The following SGCD variants were observed in gnomAD, a reference collection of about 807,000 sequenced individuals.
SGCD encodes delta-sarcoglycan.
In SGCD, 18 loss-of-function variants were observed where a neutral mutation model predicts 36.6. The observed-to-expected ratio is 0.49, with a 90% CI of 0.34 to 0.73. The LOEUF is 0.73. Among genes scored for constraint, SGCD ranks in the 30% least tolerant of loss-of-function variants. The pLI, the probability that SGCD is intolerant of heterozygous loss-of-function variation, is 0.01. For missense variants in SGCD, 387 were observed against 346.7 expected, an observed-to-expected ratio of 1.12 and a Z score of -0.92; for synonymous variants, 133 against 130.6, an observed-to-expected ratio of 1.02 and a Z score of -0.12.
intron 7 of SGCD, among the ~76,000 whole-genome samples, chr5:156,719,375 T>A (rs542705451): frequency 1.3e-5 from 2 of 150,572 alleles, no homozygotes; most frequent in Admixed American, 6.6e-5. Flanking sequence ...TCATCATATA[T>A]TATAGATATA....
chr5:156,425,772 C>T (rs1382009928), intron 3 of SGCD, among the ~76,000 whole-genome samples: 1 of 152,004 alleles, frequency 6.6e-6, no homozygotes, highest in Non-Finnish European at 1.5e-5. Context: ...TTCGTATTCT[C>T]ATAGCTTAGC....
intron 7 of SGCD, among the ~76,000 whole-genome samples, chr5:156,753,833 G>A (rs1008624896): frequency 2.6e-5 from 4 of 152,168 alleles, no homozygotes; most frequent in African/African-American, 7.2e-5. Context: ...CCCATGACAC[G>A]TGGGGATTAT....
rs78582653 is a variant in SGCD at position 156,398,381 on chromosome 5, C to T, written c.192+53704C>T. On this transcript the variant is annotated intron_variant, in intron 3 of 8. Coordinates refer to ENST00000337851, the MANE Select transcript of SGCD (RefSeq NM_000337.6). The stretch of plus-strand genomic sequence containing the variant: ...CAGAAAGGCCTGTTGGGGGAATGTT[C>T]TGAACATCTGATGGACAATTGAATG... 2.8e-4 allele frequency among the ~76,000 whole-genome samples: 42 copies of T among 152,248 alleles called. No homozygotes were observed. In the East Asian group the frequency reaches 5.6e-3, roughly 20 times the overall value.
At chr5:156,570,001 C>T (rs1759654745) in intron 4 of SGCD, among the ~76,000 whole-genome samples, 1 of 151,768 alleles carries the variant, frequency 6.6e-6, no homozygotes, top group South Asian at 2.1e-4. Flanking sequence ...GATTTTTTTC[C>T]CCCATGAGAG....
At chr5:155,772,795 C>T in the SGCD span, among the ~76,000 whole-genome samples, 1 of 151,944 alleles carries the variant, frequency 6.6e-6, no homozygotes, top group Admixed American at 6.6e-5. Context: ...TCTGTTTTCC[C>T]CTTTTCCCCT....
At chr5:156,463,433 A>G (rs1754577718) in intron 3 of SGCD, among the ~76,000 whole-genome samples, 1 of 152,092 alleles carries the variant, frequency 6.6e-6, no homozygotes. Flanking sequence ...GCACTGATAA[A>G]TTTGTAATAA....
At chr5:156,597,527 A>G (rs1760977222) in intron 6 of SGCD, among the ~76,000 whole-genome samples, 1 of 152,186 alleles carries the variant, frequency 6.6e-6, no homozygotes, top group Admixed American at 6.5e-5. Flanking sequence ...CAGCCTAGGA[A>G]AAAACCCACC....
chr5:156,411,760 G>A (rs1169862427), intron 3 of SGCD, among the ~76,000 whole-genome samples: 1 of 152,192 alleles, frequency 6.6e-6, no homozygotes, highest in Non-Finnish European at 1.5e-5. Flanking sequence ...AGAGAACACT[G>A]CAGAAATTAT....
At chr5:156,572,378 G>GT (rs1759758750) in intron 4 of SGCD, among the ~76,000 whole-genome samples, 1 of 152,108 alleles carries the variant, frequency 6.6e-6, no homozygotes, top group African/African-American at 2.4e-5. Flanking sequence ...GTGTATGAGG[G>GT]TTCCAGTTTC....
the SGCD span, among the ~76,000 whole-genome samples, chr5:155,804,531 G>A: frequency 2.0e-5 from 3 of 152,136 alleles, no homozygotes; most frequent in South Asian, 2.1e-4. Context: ...TGCTGTGGAC[G>A]CTGGTGCTTA....
intron 1 of SGCD, among the ~76,000 whole-genome samples, chr5:156,072,327 TG>T (rs1760601952): frequency 6.6e-6 from 1 of 152,070 alleles, no homozygotes; most frequent in Non-Finnish European, 1.5e-5. Flanking sequence ...GCAGGTCTGG[TG>T]GTCACATAAT....
intron 3 of SGCD, among the ~76,000 whole-genome samples, chr5:156,229,420 A>G (rs976991623): frequency 1.3e-5 from 2 of 150,696 alleles, no homozygotes; most frequent in Admixed American, 6.6e-5. Context: ...TCCTTCATAT[A>G]TGAAGCTTAG....
the SGCD span, among the ~76,000 whole-genome samples, chr5:155,729,976 C>G: frequency 6.6e-6 from 1 of 152,124 alleles, no homozygotes. Context: ...CTCATAGTTT[C>G]GCTCCTCTGT....
rs2127790238 is a variant in SGCD, at chr5:156,434,520, T to C, written c.193-74081T>C. 2.0e-5 allele frequency among the ~76,000 whole-genome samples: 3 copies of C among 152,330 alleles called. 1 individual carries two copies. In the Middle Eastern group the frequency reaches 0.01, roughly 518 times the overall value. ...TAAGATAGTATTTAATTAGTTTTGGTTTCAAATAAAGGTATTTGCTGCAAA... is the reference window on the plus strand; with the variant it reads ...TAAGATAGTATTTAATTAGTTTTGGCTTCAAATAAAGGTATTTGCTGCAAA... On this transcript the variant is annotated intron_variant, in intron 3 of 8. Coordinates refer to ENST00000337851, the MANE Select transcript of SGCD (RefSeq NM_000337.6).
chr5:156,723,943 G>C lies in SGCD; in HGVS notation c.576-33638G>C, dbSNP rs536138554. 2.0e-5 allele frequency among the ~76,000 whole-genome samples: 3 copies of C among 152,252 alleles called. No individual in the cohort carries two copies. In the South Asian group the frequency reaches 6.2e-4, roughly 32 times the overall value. Reference sequence around the variant, plus strand: ...GAGATCACTCTTTCTGCAATGTACAGAATGGATGGGAAGGGAGCACGGTGA... The same window carrying C: ...GAGATCACTCTTTCTGCAATGTACACAATGGATGGGAAGGGAGCACGGTGA... On this transcript the variant is annotated intron_variant, in intron 7 of 8. Transcript: ENST00000337851.
chr5:156,690,716 G>A (rs1463834422), intron 7 of SGCD, among the ~76,000 whole-genome samples: 1 of 152,134 alleles, frequency 6.6e-6, no homozygotes, highest in African/African-American at 2.4e-5. Flanking sequence ...AATAAACAGA[G>A]TTAGAAGGCA....
chr5:156,114,552 C>A (rs2127600541), intron 1 of SGCD, among the ~76,000 whole-genome samples: 1 of 152,166 alleles, frequency 6.6e-6, no homozygotes, highest in East Asian at 1.9e-4. Context: ...TGTCATCCAT[C>A]TGACCCAAGT....
intron 4 of SGCD, among the ~76,000 whole-genome samples, chr5:156,527,084 A>G (rs1274356180): frequency 6.6e-6 from 1 of 152,204 alleles, no homozygotes; most frequent in Non-Finnish European, 1.5e-5. Flanking sequence ...ATTGCCTATC[A>G]TGGTACAGAA....
intron 3 of SGCD, among the ~76,000 whole-genome samples, chr5:156,371,297 G>C (rs1012191736): frequency 1.3e-5 from 2 of 152,268 alleles, no homozygotes; most frequent in Admixed American, 1.3e-4. Context: ...CTCTTTAGGA[G>C]TAATTTTTTG....
Sources: allele counts gnomAD v4.1 joint callset (sites outside exome capture counted in the v4.1 genomes callset), GRCh38; gene constraint gnomAD v4.1.1; transcripts MANE v1.5; gene names NCBI Gene and HGNC (gene_info 2026-07-23, HGNC 2026-07-21).